The following ZNF347 variants were observed in gnomAD, a reference collection of about 807,000 sequenced individuals.
The protein encoded by ZNF347 is CTD-2620I22.7.
ZNF347 carries 19 observed loss-of-function variants against 12.9 expected under a neutral mutation model. The observed-to-expected ratio is 1.47, with a 90% CI of 1.03 to 2.16. The LOEUF (loss-of-function observed/expected upper bound fraction) is 2.16. Ranked by LOEUF, ZNF347 falls within the 30% of genes most tolerant of loss-of-function variation. ZNF347 has a pLI of 0.00. For missense variants in ZNF347, 1,005 were observed against 990.6 expected (o/e 1.01, Z -0.19); for synonymous variants, 328 against 340.6 (o/e 0.96, Z 0.41).
At chr19:53,157,582 C>G (rs755183802) in intron 1 of ZNF347, among the ~76,000 whole-genome samples, 1 of 152,082 alleles carries the variant, frequency 6.6e-6, no homozygotes, top group African/African-American at 2.4e-5. Flanking sequence ...TTCATTGTCC[C>G]CAGTCTCCAT....
rs890436807 is a variant in ZNF347 at position 53,148,539 on chromosome 19, T to C, written c.271+142A>G. 6.8e-6 allele frequency: 7 copies of C among 1,026,272 alleles called. No homozygotes were observed. In the Admixed American group the frequency reaches 1.7e-4, roughly 24 times the overall value. The allele number at this position is 1,026,272 out of a possible 1,614,324, so 63.6% of individuals were successfully genotyped here. The stretch of plus-strand genomic sequence containing the variant: ...GATAAACTAGTACAAGTCTAAAGGA[T>C]AGACAAAAGGGGGCAAATAAAGATT... On this transcript the variant is annotated intron_variant, in intron 4 of 4. Coordinates refer to ENST00000334197, the MANE Select transcript of ZNF347 (RefSeq NM_032584.3).
At chr19:53,153,503 G>T (rs1200436579) in intron 2 of ZNF347, among the ~76,000 whole-genome samples, 2 of 152,148 alleles carry the variant, frequency 1.3e-5, no homozygotes. Context: ...ATGTCTGGGT[G>T]TGAGCCCTTC....
At chr19:53,158,453 G>A (rs1311532513) in intron 1 of ZNF347, among the ~76,000 whole-genome samples, 8 of 152,218 alleles carry the variant, frequency 5.3e-5, no homozygotes, top group Admixed American at 5.2e-4. Context: ...GCCCGGGGCG[G>A]GAGGAGGGGT....
At chr19:53,153,087 T>C (rs2090509351) in intron 2 of ZNF347, among the ~76,000 whole-genome samples, 1 of 152,098 alleles carries the variant, frequency 6.6e-6, no homozygotes, top group South Asian at 2.1e-4. Context: ...CAGTCTCCAT[T>C]GTATGGGTTT....
chr19:53,153,649 A>G (rs1412540444), intron 2 of ZNF347, 84 bp downstream of exon 2: 1 of 1,557,646 alleles, frequency 6.4e-7, no homozygotes, highest in South Asian at 1.1e-5. Context: ...GACGCTTCAG[A>G]CTCAGAGAAG....
In ZNF347 at chr19:53,140,204, A is replaced by G. The variant is rs1020092478; in HGVS notation, c.*104T>C. ...CATGAGCCACTGCACCCAGCCAGTCATTGCATTTTCAAGGAATCTCTCAGG... is the reference window on the plus strand; with the variant it reads ...CATGAGCCACTGCACCCAGCCAGTCGTTGCATTTTCAAGGAATCTCTCAGG... On this transcript the variant is annotated 3_prime_UTR_variant, in exon 5 of 5. Transcript: ENST00000334197. 2.5e-6 allele frequency: 3 copies of G among 1,187,656 alleles called. No individual in the cohort carries two copies. In the African/African-American group the frequency reaches 4.6e-5, roughly 18 times the overall value. The allele number at this position is 1,187,656 out of a possible 1,614,324, so 73.6% of individuals were successfully genotyped here.
In ZNF347 at chr19:53,145,537, C is replaced by A. The variant is rs377345694; in HGVS notation, c.272-2981G>T. Among the ~76,000 whole-genome samples the A allele has an allele frequency of 2.5e-3, 375 of 151,666 alleles. 1 individual carries two copies. Among genetic ancestry groups the A allele is most frequent in the African/African-American group, 8.8e-3 (362 of 41,364 alleles). On this transcript the variant is annotated intron_variant, in intron 4 of 4. Coordinates refer to ENST00000334197, the MANE Select transcript of ZNF347 (RefSeq NM_032584.3). ...CCCCCCAAGTAGCAGAGACCACAGG[C>A]ACACACCACCATGCCCAGCTAATTT...
At chr19:53,147,652 A>G (rs1043190032) in intron 4 of ZNF347, among the ~76,000 whole-genome samples, 1 of 152,116 alleles carries the variant, frequency 6.6e-6, no homozygotes, top group African/African-American at 2.4e-5. Flanking sequence ...AAGGCAGCAC[A>G]TATTTCCAAA....
Position 53,149,240 on chromosome 19 carries a change from C to T in ZNF347, c.142+1G>A. ...GACTTCTGGAAGAAAGTCATCCTCA[C>T]CCAGGGAGGCCAGGTTCCTATAATT... On this transcript the variant is annotated splice_donor_variant, in intron 3 of 4. Coordinates refer to ENST00000334197, the MANE Select transcript of ZNF347 (RefSeq NM_032584.3). LOFTEE classifies it high-confidence loss of function. 2.5e-6 allele frequency: 4 copies of T among 1,612,156 alleles called. No homozygotes were observed. The highest frequency in any genetic ancestry group is 3.4e-6 in the Non-Finnish European group (4 of 1,179,420).
At chr19:53,148,421 G>C (rs1331320348) in intron 4 of ZNF347, among the ~76,000 whole-genome samples, 1 of 152,174 alleles carries the variant, frequency 6.6e-6, no homozygotes, top group African/African-American at 2.4e-5. Context: ...CGGAGTCAAG[G>C]AACCAGAGTT....
At position 53,155,014 on chromosome 19, in the gene ZNF347, C is replaced by T. The variant is rs144110513; in HGVS notation, c.-46-1221G>A. Among the ~76,000 whole-genome samples, 378 of 151,670 alleles carry T rather than the reference C, an allele frequency of 2.5e-3. 2 individuals carry two copies. The highest frequency in any genetic ancestry group is 8.8e-3 in the African/African-American group (365 of 41,396). Reference sequence around the variant, plus strand: ...GTGCAATGTTGCGATCTCGGCTCACCGTAACCTCCGCCTCCCAGGTTCAAG... The same window carrying T: ...GTGCAATGTTGCGATCTCGGCTCACTGTAACCTCCGCCTCCCAGGTTCAAG... On this transcript the variant is annotated intron_variant, in intron 1 of 4. Transcript: ENST00000334197.
At chr19:53,154,378 A>G (rs1599860922) in intron 1 of ZNF347, among the ~76,000 whole-genome samples, 1 of 152,080 alleles carries the variant, frequency 6.6e-6, no homozygotes, top group Admixed American at 6.6e-5. Context: ...TAACCTCAGC[A>G]CTTTGGGAGG....
intron 4 of ZNF347, among the ~76,000 whole-genome samples, chr19:53,144,744 T>A (rs369043321): frequency 4.9e-4 from 75 of 152,244 alleles, no homozygotes; most frequent in African/African-American, 1.4e-3. Context: ...TAAGCATTCC[T>A]CTCTCCTCAG....
At chr19:53,151,534 T>TAAAAAAAAAAAAAAAAAAAAA (rs34905550) in intron 2 of ZNF347, among the ~76,000 whole-genome samples, 2 of 80,366 alleles carry the variant, frequency 2.5e-5, no homozygotes, top group Non-Finnish European at 4.9e-5. Context: ...CAAGACTGTC[T>TAAAAAAAAAAAAAAAAAAAAA]AAAAAAAAAA....
chr19:53,149,962 T>TC (rs2090487474), intron 2 of ZNF347, among the ~76,000 whole-genome samples: 1 of 152,186 alleles, frequency 6.6e-6, no homozygotes, highest in African/African-American at 2.4e-5. Context: ...ATCTGGCTGT[T>TC]CATCTGTATA....
At chr19:53,156,405 A>T (rs2090536325) in intron 1 of ZNF347, among the ~76,000 whole-genome samples, 1 of 151,882 alleles carries the variant, frequency 6.6e-6, no homozygotes, top group Admixed American at 6.6e-5. Flanking sequence ...TGTTTCAAAA[A>T]GAAAAAAAAA....
Position 53,140,365 on chromosome 19 carries a change from G to C in ZNF347, c.2463C>G (p.Asn821Lys). The change falls in exon 5 of 5, where the codon AAC becomes AAG. Residue 821 changes from asparagine to lysine, a missense_variant. Physicochemically the swap from Asn to Lys is moderately conservative, Grantham distance 94. Transcript: ENST00000334197. ...IHTGGKPYKC[N>K]VWKVLKSEFK... ...ACTCTGACTTTAGAACTTTCCACAC[G>C]TTACATTTGTAAGGTTTCCCACCAG... is the stretch of plus-strand genomic sequence containing the variant. 6.3e-7 allele frequency: 1 copy of C among 1,597,734 alleles called. No individual in the cohort carries two copies. The highest frequency in any genetic ancestry group is 8.5e-7 in the Non-Finnish European group (1 of 1,173,368).
Position 53,140,747 on chromosome 19 carries a change from G to C in ZNF347, c.2081C>G (p.Ser694Ter). 5 of 1,612,548 alleles carry C rather than the reference G, an allele frequency of 3.1e-6. No individual in the cohort carries two copies. Among genetic ancestry groups the C allele is most frequent in the Non-Finnish European group, 4.2e-6 (5 of 1,179,210 alleles). ...AACTCTCTGATGCCTTGCAAGCTTT[G>C]ATGTTTGACTAAAGGCTTTGCCACA... ...NECGKAFSQT[S>*]KLARHQRVHT... The change falls in exon 5 of 5, where the codon TCA (serine) becomes TGA (stop). Residue 694 changes from serine (S) to a stop codon, truncating the protein, a stop_gained. Transcript: ENST00000334197. LOFTEE classifies it low-confidence loss of function (END_TRUNC).
At position 53,149,281 on chromosome 19, in the gene ZNF347, C is replaced by T; in HGVS notation, c.102G>A (p.Arg34=). The change falls in exon 3 of 5, where the codon AGG becomes AGA. Residue 34 remains arginine (R), a synonymous_variant. Coordinates refer to ENST00000334197, the MANE Select transcript of ZNF347 (RefSeq NM_032584.3). ...TCCTATAATTCTCCAACATCACGTC[C>T]CTGTACAAAGTCCTCTGAGCGGGGT... ...CLDPAQRTLY[R]DVMLENYRNL... 18 of 1,613,814 alleles carry T rather than the reference C, an allele frequency of 1.1e-5. No individual in the cohort carries two copies. The highest frequency in any genetic ancestry group is 1.5e-5 in the Non-Finnish European group (18 of 1,179,914).
Sources: gnomAD v4.1 joint callset for allele counts (sites outside exome capture counted in the v4.1 genomes callset) on GRCh38, gnomAD v4.1.1 for gene constraint, MANE v1.5 for transcripts, NCBI Gene and HGNC (gene_info 2026-07-23, HGNC 2026-07-21) for gene names.